The following UGT2B15 variants were observed in gnomAD, a reference collection of about 807,000 sequenced individuals.
UGT2B15 encodes UDP-glucuronosyltransferase 2B15.
In UGT2B15, 36 loss-of-function variants were observed where a neutral mutation model predicts 45.9. The ratio of observed to expected loss-of-function variants is 0.78; its 90% CI spans 0.60 to 1.04. The LOEUF (loss-of-function observed/expected upper bound fraction) is 1.04, where lower values mean the gene tolerates loss of function less well. UGT2B15 is among the 50% of genes least tolerant of loss of function. The probability of loss-of-function intolerance (pLI) is 0.00; values close to 1 mark genes in which losing one functional copy is unlikely to be tolerated. For synonymous variants in UGT2B15, 219 were observed against 216.4 expected (o/e 1.01, Z -0.11); for missense variants, 617 against 622.4 (o/e 0.99, Z 0.09).
At chr4:68,664,612 G>C (rs147342141) in intron 2 of UGT2B15, among the ~76,000 whole-genome samples, 1,723 of 151,416 alleles carry the variant, frequency 0.011, 36 homozygotes, top group African/African-American at 0.037. Flanking sequence ...TGTCACCCAG[G>C]CTGGAGTGCA....
intron 3 of UGT2B15, among the ~76,000 whole-genome samples, chr4:68,660,067 T>G (rs1237521309): frequency 6.6e-6 from 1 of 150,650 alleles, no homozygotes; most frequent in East Asian, 1.9e-4. Flanking sequence ...AAACTATTTG[T>G]GAGTATTTTT....
At chr4:68,659,509 C>T (rs1732901361) in intron 3 of UGT2B15, among the ~76,000 whole-genome samples, 2 of 151,702 alleles carry the variant, frequency 1.3e-5, no homozygotes, top group Non-Finnish European at 2.9e-5. Context: ...TTATGTGTTC[C>T]AAAATTATGG....
At chr4:68,664,579 T>G (rs1733064690) in intron 2 of UGT2B15, among the ~76,000 whole-genome samples, 1 of 152,010 alleles carries the variant, frequency 6.6e-6, no homozygotes, top group African/African-American at 2.4e-5. Flanking sequence ...ATCTTTTTTT[T>G]TTTTCCAGAT....
rs549347993 is a variant in UGT2B15, at chr4:68,646,628, C to CT, written c.*475dup. 2,192 of 141,710 alleles carry CT rather than the reference C, an allele frequency of 0.015. 55 individuals are homozygous for CT. Among genetic ancestry groups the CT allele is most frequent in the African/African-American group, 0.052 (1,980 of 38,376 alleles). 8.8% of individuals were successfully genotyped at this position (141,710 alleles called of 1,614,324 possible). ...TTTATATTATTTTTATTTTTCTTTT[C>CT]TTTTTTTTTTATGGCTTGGATGACA... On this transcript the variant is annotated 3_prime_UTR_variant, in exon 6 of 6. Transcript: ENST00000338206.
chr4:68,660,839 A>G (rs1252864840), intron 3 of UGT2B15, among the ~76,000 whole-genome samples: 4 of 151,794 alleles, frequency 2.6e-5, no homozygotes, highest in Non-Finnish European at 4.4e-5. Flanking sequence ...AAGCTAGACA[A>G]CTTAAACTCC....
At chr4:68,657,236 T>A (rs936229872) in intron 3 of UGT2B15, among the ~76,000 whole-genome samples, 1 of 152,148 alleles carries the variant, frequency 6.6e-6, no homozygotes, top group Non-Finnish European at 1.5e-5. Context: ...TGTGGGAGTG[T>A]CTTGGGGTTG....
intron 5 of UGT2B15, among the ~76,000 whole-genome samples, chr4:68,650,994 T>TC (rs1732636335): frequency 1.6e-5 from 1 of 63,618 alleles, no homozygotes; most frequent in Non-Finnish European, 3.5e-5. Context: ...TTGATGGTGT[T>TC]GTTTTTTTTT....
rs1186070511 is a variant in UGT2B15 at position 68,646,889 on chromosome 4, C to T, written c.*215G>A. 1 of 721,196 alleles carries T rather than the reference C, an allele frequency of 1.4e-6. No individual in the cohort carries two copies. Among genetic ancestry groups the T allele is most frequent in the Non-Finnish European group, 2.2e-6 (1 of 462,364 alleles). 44.7% of individuals were successfully genotyped at this position (721,196 alleles called of 1,614,324 possible). A position where few individuals can be genotyped will look rare whatever the true frequency, so the allele number is the denominator to read the frequency against. On this transcript the variant is annotated 3_prime_UTR_variant, in exon 6 of 6. Coordinates refer to ENST00000338206, the MANE Select transcript of UGT2B15 (RefSeq NM_001076.4). Reference sequence around the variant, plus strand: ...ATATCTCCAAATGCTATCCTTCCCCCCATTGTATTTTTCATAGCTTAAAAA... The same window carrying T: ...ATATCTCCAAATGCTATCCTTCCCCTCATTGTATTTTTCATAGCTTAAAAA...
intron 2 of UGT2B15, among the ~76,000 whole-genome samples, chr4:68,667,750 T>C (rs1432369312): frequency 1.4e-4 from 22 of 152,208 alleles, no homozygotes; most frequent in Non-Finnish European, 2.8e-4. Flanking sequence ...TTAATCACTC[T>C]ACAAATATTT....
At chr4:68,657,253 T>A (rs576010780) in intron 3 of UGT2B15, among the ~76,000 whole-genome samples, 10 of 152,254 alleles carry the variant, frequency 6.6e-5, no homozygotes, top group African/African-American at 2.2e-4. Flanking sequence ...GTTGACCCCC[T>A]GTGACATGGA....
chr4:68,669,603 A>G (rs1427189202), intron 1 of UGT2B15, among the ~76,000 whole-genome samples: 2 of 152,110 alleles, frequency 1.3e-5, no homozygotes, highest in African/African-American at 2.4e-5. Context: ...TTTTTTAAAG[A>G]TGAAAAAATG....
chr4:68,665,673 C>A (rs1292172222), intron 2 of UGT2B15, among the ~76,000 whole-genome samples: 3 of 152,068 alleles, frequency 2.0e-5, no homozygotes, highest in Non-Finnish European at 4.4e-5. Context: ...GAAAAGCAAG[C>A]AAATTTGTCG....
chr4:68,667,941 C>T, intron 2 of UGT2B15, 99 bp downstream of exon 2: 1 of 1,527,562 alleles, frequency 6.5e-7, no homozygotes, highest in Non-Finnish European at 8.8e-7. Context: ...TTTGACCTCC[C>T]ATATTCCCCT....
At position 68,646,606 on chromosome 4, in the gene UGT2B15, A is replaced by C. The variant is rs1222289636; in HGVS notation, c.*498T>G. On this transcript the variant is annotated 3_prime_UTR_variant, in exon 6 of 6. Transcript: ENST00000338206. ...TATCAATATAAGCCCATAAGGTTTTATATTATTTTTATTTTTCTTTTCTTT... is the reference window on the plus strand; with the variant it reads ...TATCAATATAAGCCCATAAGGTTTTCTATTATTTTTATTTTTCTTTTCTTT... The C allele has an allele frequency of 6.6e-6, 1 of 152,254 alleles. No homozygotes were observed. The highest frequency in any genetic ancestry group is 1.5e-5 in the Non-Finnish European group (1 of 68,538). 9.4% of individuals were successfully genotyped at this position (152,254 alleles called of 1,614,324 possible).
chr4:68,647,896 T>C (rs1222642116), intron 5 of UGT2B15, among the ~76,000 whole-genome samples: 3 of 152,056 alleles, frequency 2.0e-5, no homozygotes, highest in African/African-American at 7.2e-5. Flanking sequence ...TTTTATTTTT[T>C]ACACTTTTAG....
Position 68,670,119 on chromosome 4 carries a change from A to G in UGT2B15, c.500T>C (p.Ile167Thr). The G allele has an allele frequency of 6.2e-7, 1 of 1,614,128 alleles. No individual in the cohort carries two copies. Among genetic ancestry groups the G allele is most frequent in the Non-Finnish European group, 8.5e-7 (1 of 1,179,982 alleles). Residue 167 changes from isoleucine (I) to threonine (T), a missense_variant, in exon 1 of 6, where the codon ATA becomes ACA. By Grantham distance (89) the Ile-to-Thr change is moderately conservative. This residue lies in a region of UGT2B15 where 351 missense variants were observed against 342.1 expected (regional missense o/e 1.03). Transcript: ENST00000338206. Reference sequence around the variant, plus strand: ...GAATCGAAGACTGTACAGAAAGGGTATGTTAAATAGTTCAGCCAGTAGCTC... The same window carrying G: ...GAATCGAAGACTGTACAGAAAGGGTGTGTTAAATAGTTCAGCCAGTAGCTC... ...CGELLAELFN[I>T]PFLYSLRFSV...
At chr4:68,649,246 T>C (rs995750215) in intron 5 of UGT2B15, among the ~76,000 whole-genome samples, 6 of 149,438 alleles carry the variant, frequency 4.0e-5, no homozygotes, top group Non-Finnish European at 8.9e-5. Context: ...CAGCATATGG[T>C]AAATTCAGGT....
rs72551389 is a variant in UGT2B15 at position 68,646,973 on chromosome 4, G to A, written c.*131C>T. 1 of 1,365,258 alleles carries A rather than the reference G, an allele frequency of 7.3e-7. No homozygotes were observed. Among genetic ancestry groups the A allele is most frequent in the Non-Finnish European group, 1.0e-6 (1 of 1,004,106 alleles). The allele number at this position is 1,365,258 out of a possible 1,614,324, so 84.6% of individuals were successfully genotyped here. A position where few individuals can be genotyped will look rare whatever the true frequency, so the allele number is the denominator to read the frequency against. On this transcript the variant is annotated 3_prime_UTR_variant, in exon 6 of 6. Transcript: ENST00000338206. ...ATTAAATCCCTGGAAAATAAATTTT[G>A]TCTTAACAAGGTAAGTTGTGAAAAG... is the stretch of plus-strand genomic sequence containing the variant.
intron 3 of UGT2B15, among the ~76,000 whole-genome samples, chr4:68,662,620 T>C (rs2109831479): frequency 6.6e-6 from 1 of 152,078 alleles, no homozygotes; most frequent in Non-Finnish European, 1.5e-5. Flanking sequence ...GTACAGTAAC[T>C]TATTAAAATT....
Sources: gnomAD v4.1 joint callset for allele counts (sites outside exome capture counted in the v4.1 genomes callset) on GRCh38, gnomAD v4.1.1 for gene constraint, gnomAD v4.1.1 regional missense constraint, MANE v1.5 for transcripts, NCBI Gene and HGNC (gene_info 2026-07-23, HGNC 2026-07-21) for gene names.